Variants in CSMD2 observed in about 807,000 individuals in gnomAD.
The protein encoded by CSMD2 is CUB and sushi domain-containing protein 2.
Under a neutral mutation model 398.5 loss-of-function variants are expected in CSMD2, and 130 were observed. The ratio of observed to expected loss-of-function variants is 0.33; its 90% confidence interval spans 0.28 to 0.38. The LOEUF is 0.38. Among genes scored for constraint, CSMD2 ranks in the 10% least tolerant of loss-of-function variants. The pLI is 1.00. For synonymous variants in CSMD2, 1,828 were observed against 1,908.5 expected (o/e 0.96, Z 1.10); for missense variants, 3,829 against 4,764.9 (o/e 0.80, Z 5.78).
chr1:33,602,508 C>A lies in CSMD2; in HGVS notation c.6571G>T (p.Val2191Leu). ...GGGCTAGGGAACCCCGGGGAGTACA[C>A]AGTGCCGTTGGAAGAAGTGATGTTC... ...GGNITSSNGT[V>L]YSPGFPSPYS... The change falls in exon 43 of 71, where the codon GTG (valine) becomes TTG (leucine). Residue 2191 changes from valine (V) to leucine (L), a missense_variant. Transcript: ENST00000373381. 6.2e-7 allele frequency: 1 copy of A among 1,608,626 alleles called. No individual in the cohort carries two copies. Among genetic ancestry groups the A allele is most frequent in the South Asian group, 1.1e-5 (1 of 90,060 alleles).
rs116737331 is a variant in CSMD2 at position 33,595,222 on chromosome 1, C to T, written c.6856+5643G>A. ...AATGGTTCCAGTGTCTTTACTTGAC[C>T]TTCAGAACTTTTATATTTTTGAAGA... On this transcript the variant is annotated intron_variant, in intron 44 of 70. Coordinates refer to ENST00000373381, the MANE Select transcript of CSMD2 (RefSeq NM_001281956.2). Among the ~76,000 whole-genome samples the T allele has an allele frequency of 8.0e-3, 1,225 of 152,242 alleles. 8 individuals carry two copies. Among genetic ancestry groups the T allele is most frequent in the Non-Finnish European group, 0.011 (742 of 68,030 alleles).
chr1:33,733,001 G>A (rs978492734), intron 15 of CSMD2, among the ~76,000 whole-genome samples: 1 of 152,194 alleles, frequency 6.6e-6, no homozygotes, highest in Non-Finnish European at 1.5e-5. Flanking sequence ...ACACACACTA[G>A]GAAGTCGCAG....
chr1:33,694,643 G>A (rs185608115), intron 24 of CSMD2, among the ~76,000 whole-genome samples: 8 of 152,268 alleles, frequency 5.3e-5, no homozygotes, highest in African/African-American at 1.9e-4. Flanking sequence ...GGCTTCCCCA[G>A]CCATGAGGAA....
At chr1:33,539,977 C>T (rs1656177545) in intron 60 of CSMD2, among the ~76,000 whole-genome samples, 1 of 152,128 alleles carries the variant, frequency 6.6e-6, no homozygotes, top group Non-Finnish European at 1.5e-5. Flanking sequence ...AAAGCACGGG[C>T]ATGGAGAAAA....
chr1:33,890,937 C>T (rs1570413711), intron 5 of CSMD2, among the ~76,000 whole-genome samples: 1 of 152,218 alleles, frequency 6.6e-6, no homozygotes, highest in Admixed American at 6.5e-5. Context: ...GACCTAAAAC[C>T]ATAAAAACCC....
At position 33,635,363 on chromosome 1, in the gene CSMD2, C is replaced by T; in HGVS notation, c.4970-33G>A. On this transcript the variant is annotated intron_variant, in intron 30 of 70. Coordinates refer to ENST00000373381, the MANE Select transcript of CSMD2 (RefSeq NM_001281956.2). This position sits in a 1 kb window ranked among gnomAD's most constrained non-coding sequence, Gnocchi z 5.0. ...AGAAACCAGATAGAGAGTCAGGTGA[C>T]CTTGTGGGCCTCTTACCAGTGACCA... The T allele has an allele frequency of 7.7e-7, 1 of 1,306,816 alleles. No homozygotes were observed. The highest frequency in any genetic ancestry group is 1.2e-5 in the South Asian group (1 of 83,132). The allele number at this position is 1,306,816 out of a possible 1,614,324, so 81.0% of individuals were successfully genotyped here.
chr1:33,651,536 C>A (rs960648953), intron 28 of CSMD2, among the ~76,000 whole-genome samples: 5 of 152,196 alleles, frequency 3.3e-5, no homozygotes, highest in African/African-American at 1.2e-4. Context: ...CCGAACTTGT[C>A]CAGGAAAGGG....
intron 13 of CSMD2, among the ~76,000 whole-genome samples, chr1:33,754,906 T>C (rs914076331): frequency 2.0e-4 from 30 of 151,724 alleles, no homozygotes; most frequent in African/African-American, 7.3e-4. Context: ...GCCTGTGAGG[T>C]AGGAGTAAGG....
intron 5 of CSMD2, 146 bp downstream of exon 5, chr1:33,917,948 T>G: frequency 1.6e-6 from 1 of 611,466 alleles, no homozygotes; most frequent in Non-Finnish European, 2.8e-6. Context: ...TTCATTAGGA[T>G]GAGATGAAAG....
chr1:33,547,700 C>A (rs140086320), intron 56 of CSMD2, among the ~76,000 whole-genome samples: 2 of 152,202 alleles, frequency 1.3e-5, no homozygotes, highest in Non-Finnish European at 2.9e-5. Context: ...GAGAGCTTAT[C>A]GCATTTGGCT....
intron 15 of CSMD2, among the ~76,000 whole-genome samples, chr1:33,735,673 C>T (rs926037175): frequency 1.3e-5 from 2 of 152,158 alleles, no homozygotes; most frequent in Non-Finnish European, 2.9e-5. Context: ...AGATAATCAT[C>T]CTTCTTTCTA....
intron 5 of CSMD2, among the ~76,000 whole-genome samples, chr1:33,915,030 G>A (rs1643651429): frequency 6.6e-6 from 1 of 152,146 alleles, no homozygotes; most frequent in African/African-American, 2.4e-5. Context: ...TGTGGAAACT[G>A]AGTCAGGGAC....
At chr1:33,952,747 T>C (rs998758559) in intron 3 of CSMD2, among the ~76,000 whole-genome samples, 3 of 152,132 alleles carry the variant, frequency 2.0e-5, no homozygotes, top group African/African-American at 7.2e-5. Context: ...AGAGACCTTG[T>C]CTGACTTTTT....
chr1:33,793,212 G>T (rs1042849204), intron 10 of CSMD2, among the ~76,000 whole-genome samples: 6 of 152,160 alleles, frequency 3.9e-5, no homozygotes, highest in African/African-American at 1.4e-4. Context: ...GAGCGAAGAG[G>T]AGCCTATGGC....
At chr1:33,974,546 G>A (rs763006502) in intron 3 of CSMD2, among the ~76,000 whole-genome samples, 5 of 152,196 alleles carry the variant, frequency 3.3e-5, no homozygotes, top group Admixed American at 6.5e-5. Context: ...TTACAGATGA[G>A]GAAACAAACA....
intron 3 of CSMD2, among the ~76,000 whole-genome samples, chr1:33,998,527 G>A (rs1037746785): frequency 4.6e-5 from 7 of 152,306 alleles, no homozygotes; most frequent in South Asian, 2.1e-4. Flanking sequence ...GCCCAGCTTC[G>A]TTAACTTTGC....
chr1:33,858,151 G>A (rs1032456514), intron 5 of CSMD2, among the ~76,000 whole-genome samples: 2 of 152,164 alleles, frequency 1.3e-5, no homozygotes, highest in Non-Finnish European at 2.9e-5. Flanking sequence ...TGCAGGCTCC[G>A]TGCTTATCTT....
At chr1:33,917,065 T>C (rs1643760465) in intron 5 of CSMD2, among the ~76,000 whole-genome samples, 1 of 152,016 alleles carries the variant, frequency 6.6e-6, no homozygotes, top group Non-Finnish European at 1.5e-5. Flanking sequence ...CTCCCACCCC[T>C]ATGCCCTCCG....
intron 10 of CSMD2, among the ~76,000 whole-genome samples, chr1:33,801,463 A>G (rs1467318216): frequency 6.6e-6 from 1 of 152,070 alleles, no homozygotes; most frequent in Non-Finnish European, 1.5e-5. Flanking sequence ...AGAAGGCCTG[A>G]ATCTCAAGCC....
Sources: allele counts gnomAD v4.1 joint callset (sites outside exome capture counted in the v4.1 genomes callset), GRCh38; gene constraint gnomAD v4.1.1; non-coding constraint Gnocchi (gnomAD v3.1); transcripts MANE v1.5; gene names NCBI Gene and HGNC (gene_info 2026-07-23, HGNC 2026-07-21).